The following NKAIN3 variants were observed in gnomAD, a reference collection of about 807,000 sequenced individuals.
The protein encoded by NKAIN3 is sodium/potassium transporting ATPase interacting 3.
In NKAIN3, 25 loss-of-function variants were observed where a neutral mutation model predicts 30.2. The observed-to-expected ratio is 0.83, with a 90% CI of 0.60 to 1.16. The LOEUF (loss-of-function observed/expected upper bound fraction) is 1.16. Among genes scored for constraint, NKAIN3 ranks in the 50% most tolerant of loss-of-function variants. The pLI, the probability that NKAIN3 is intolerant of heterozygous loss-of-function variation, is 0.00. For synonymous variants in NKAIN3, 91 were observed against 89.6 expected, an observed-to-expected ratio of 1.02 and a Z score of -0.09; for missense variants, 225 against 254.1, an observed-to-expected ratio of 0.89 and a Z score of 0.78.
At chr8:62,698,412 C>T (rs978540407) in intron 3 of NKAIN3, among the ~76,000 whole-genome samples, 6 of 152,182 alleles carry the variant, frequency 3.9e-5, no homozygotes, top group Non-Finnish European at 7.4e-5. Flanking sequence ...ACTCAAGCTC[C>T]TCCTGCAGAT....
intron 1 of NKAIN3, among the ~76,000 whole-genome samples, chr8:62,426,655 G>T (rs994783584): frequency 6.6e-6 from 1 of 151,934 alleles, no homozygotes; most frequent in African/African-American, 2.4e-5. Flanking sequence ...GATTCCTTGT[G>T]TATAATTGGG....
chr8:62,891,600 G>A (rs572375537), intron 4 of NKAIN3, among the ~76,000 whole-genome samples: 29 of 152,188 alleles, frequency 1.9e-4, no homozygotes, highest in Admixed American at 1.4e-3. Context: ...GTGTCGCTGC[G>A]TGGTGGAAAA....
intron 4 of NKAIN3, among the ~76,000 whole-genome samples, chr8:62,916,801 G>T (rs79872844): frequency 5.3e-5 from 8 of 152,232 alleles, no homozygotes; most frequent in African/African-American, 1.9e-4. Flanking sequence ...AAGGAGAAAT[G>T]ATGGGAGAAA....
rs1439064797 is a variant in NKAIN3, at chr8:62,549,828, C to T, written c.55-29711C>T. Among the ~76,000 whole-genome samples, 3 of 150,850 alleles carry T rather than the reference C, an allele frequency of 2.0e-5. No homozygotes were observed. In the South Asian group the frequency reaches 6.4e-4, roughly 32 times the overall value. On this transcript the variant is annotated intron_variant, in intron 1 of 6. Coordinates refer to ENST00000623646, the MANE Select transcript of NKAIN3 (RefSeq NM_001304533.3). ...ATATTTACATATTCAAATACATGCA[C>T]GTGCATACCTGAACGTGTATACTGT...
intron 1 of NKAIN3, among the ~76,000 whole-genome samples, chr8:62,387,512 A>G (rs568153101): frequency 1.3e-5 from 2 of 152,342 alleles, no homozygotes; most frequent in African/African-American, 4.8e-5. Flanking sequence ...TGATGCTTAC[A>G]TTCAGAAAGG....
chr8:62,687,397 G>C (rs1813831994), intron 3 of NKAIN3, among the ~76,000 whole-genome samples: 1 of 152,188 alleles, frequency 6.6e-6, no homozygotes, highest in Non-Finnish European at 1.5e-5. Flanking sequence ...GTCCAAGTTT[G>C]GGAGTGTCCT....
chr8:62,450,711 T>C (rs1585821980), intron 1 of NKAIN3, among the ~76,000 whole-genome samples: 1 of 152,222 alleles, frequency 6.6e-6, no homozygotes, highest in Admixed American at 6.5e-5. Flanking sequence ...TTATGGCTCC[T>C]AATCTCTGTT....
chr8:62,961,165 C>T (rs1322561521), intron 6 of NKAIN3, among the ~76,000 whole-genome samples: 1 of 151,992 alleles, frequency 6.6e-6, no homozygotes, highest in East Asian at 1.9e-4. Context: ...ACTGTAGTCC[C>T]AGCTACTTGG....
rs779911371 is a variant in NKAIN3, at chr8:62,883,458, T to TTGTTTTTTG, written c.472-34994_472-34993insGTTTTTTGT. On this transcript the variant is annotated intron_variant, in intron 4 of 6. Transcript: ENST00000623646. ...TTATTATTTCCAGGAGTTTTATGGG[T>TTGTTTTTTG]TTTTTTTTTTTTTTTCAGATTTTCT... is the stretch of plus-strand genomic sequence containing the variant. Among the ~76,000 whole-genome samples, 7 of 31,540 alleles carry TTGTTTTTTG rather than the reference T, an allele frequency of 2.2e-4. 1 individual carries two copies. In the South Asian group the frequency reaches 7.0e-3, roughly 31 times the overall value. The allele number at this position is 31,540 out of a possible 152,430, so 20.7% of individuals were successfully genotyped here. A position where few individuals can be genotyped will look rare whatever the true frequency, so the allele number is the denominator to read the frequency against.
chr8:62,950,073 C>G (rs1054721647), intron 5 of NKAIN3, among the ~76,000 whole-genome samples: 3 of 152,096 alleles, frequency 2.0e-5, no homozygotes, highest in African/African-American at 7.2e-5. Context: ...AATGCAGTTG[C>G]TTTACTTTCT....
intron 1 of NKAIN3, among the ~76,000 whole-genome samples, chr8:62,341,715 GA>G (rs532833527): frequency 6.7e-6 from 1 of 149,112 alleles, no homozygotes; most frequent in South Asian, 2.1e-4. Context: ...TTTAATGCCA[GA>G]AAAAAAAACA....
At chr8:62,593,959 A>T (rs1810738317) in intron 3 of NKAIN3, among the ~76,000 whole-genome samples, 1 of 152,018 alleles carries the variant, frequency 6.6e-6, no homozygotes, top group African/African-American at 2.4e-5. Context: ...TAATTTCTAT[A>T]GGGAAAGCAA....
chr8:62,465,422 G>A (rs1189518784), intron 1 of NKAIN3, among the ~76,000 whole-genome samples: 2 of 152,090 alleles, frequency 1.3e-5, no homozygotes, highest in African/African-American at 2.4e-5. Context: ...AAAAACAAGG[G>A]CCTAATTATA....
intron 3 of NKAIN3, among the ~76,000 whole-genome samples, chr8:62,626,743 T>C (rs1346961064): frequency 9.9e-5 from 15 of 152,056 alleles, no homozygotes. Context: ...ATATGTAAAG[T>C]GTGGAAAATA....
intron 1 of NKAIN3, among the ~76,000 whole-genome samples, chr8:62,255,955 G>A (rs1812248522): frequency 1.3e-5 from 2 of 152,150 alleles, no homozygotes; most frequent in African/African-American, 2.4e-5. Flanking sequence ...GTAGATCGAG[G>A]TTTGGGAACG....
chr8:62,925,940 C>G (rs747015898), intron 5 of NKAIN3, among the ~76,000 whole-genome samples: 5 of 152,160 alleles, frequency 3.3e-5, no homozygotes, highest in Non-Finnish European at 7.3e-5. Flanking sequence ...TCACATCTCC[C>G]TACTCCCTGC....
rs1362312943 is a variant in NKAIN3 at position 62,966,040 on chromosome 8, T to C, written c.*633T>C. 10 of 982,582 alleles carry C rather than the reference T, an allele frequency of 1.0e-5. No homozygotes were observed. The highest frequency in any genetic ancestry group is 1.2e-5 in the Non-Finnish European group (10 of 827,534). 60.9% of individuals were successfully genotyped at this position (982,582 alleles called of 1,614,324 possible). A position where few individuals can be genotyped will look rare whatever the true frequency, so the allele number is the denominator to read the frequency against. On this transcript the variant is annotated 3_prime_UTR_variant, in exon 7 of 7. Transcript: ENST00000623646. ...CGTGCATATCTTGTTTTTCCTGATA[T>C]ATATATATATGTAGGCACATGGAAG...
intron 4 of NKAIN3, among the ~76,000 whole-genome samples, chr8:62,901,324 G>A (rs905329737): frequency 6.6e-6 from 1 of 152,186 alleles, no homozygotes; most frequent in Non-Finnish European, 1.5e-5. Flanking sequence ...TGAACTGGGA[G>A]CAGTGGTGTG....
At chr8:62,631,985 T>G (rs371015492) in intron 3 of NKAIN3, among the ~76,000 whole-genome samples, 1 of 152,182 alleles carries the variant, frequency 6.6e-6, no homozygotes, top group African/African-American at 2.4e-5. Context: ...TATATTAAAA[T>G]TATAACACTA....
Sources: gnomAD v4.1 joint callset for allele counts (sites outside exome capture counted in the v4.1 genomes callset) on GRCh38, gnomAD v4.1.1 for gene constraint, MANE v1.5 for transcripts, NCBI Gene and HGNC (gene_info 2026-07-23, HGNC 2026-07-21) for gene names.